The following CABP1 variants were observed in gnomAD, a reference collection of about 807,000 sequenced individuals.
The protein encoded by CABP1 is calcium binding protein 1.
A neutral mutation model predicts 34.3 loss-of-function variants in CABP1; 17 were observed. The observed-to-expected ratio is 0.50, with a 90% confidence interval of 0.34 to 0.74. The LOEUF (loss-of-function observed/expected upper bound fraction) is 0.74, where lower values mean the gene tolerates loss of function less well. Ranked by LOEUF, CABP1 falls within the 30% of genes least tolerant of loss-of-function variation. The pLI is 0.01. For missense variants in CABP1, 373 were observed against 511.1 expected, an observed-to-expected ratio of 0.73 and a Z score of 2.61; for synonymous variants, 198 against 229.2, an observed-to-expected ratio of 0.86 and a Z score of 1.23.
chr12:120,655,967 T>C (rs749857611), intron 1 of CABP1: 28 of 1,548,374 alleles, frequency 1.8e-5, no homozygotes, highest in Non-Finnish European at 2.4e-5. Context: ...CTCAGGGCTC[T>C]CTGAACCCCG....
chr12:120,643,159 G>T (rs1019904357), intron 1 of CABP1, among the ~76,000 whole-genome samples: 1 of 152,088 alleles, frequency 6.6e-6, no homozygotes, highest in African/African-American at 2.4e-5. Flanking sequence ...TGTCACCAGG[G>T]TCACCTGAGT....
intron 5 of CABP1, among the ~76,000 whole-genome samples, chr12:120,666,506 TGAGA>T (rs1235710707): frequency 8.4e-6 from 1 of 119,556 alleles, no homozygotes; most frequent in African/African-American, 3.2e-5. Flanking sequence ...TGCTGAGAGG[TGAGA>T]GAGAGAGTGC....
intron 5 of CABP1, among the ~76,000 whole-genome samples, chr12:120,663,301 G>T (rs1044877255): frequency 2.0e-5 from 3 of 151,896 alleles, no homozygotes; most frequent in Non-Finnish European, 4.4e-5. Flanking sequence ...TTAAGACAGG[G>T]TCTTGCTCTG....
chr12:120,667,945 G>C (rs1290945399), downstream of CABP1, among the ~76,000 whole-genome samples: 2 of 152,218 alleles, frequency 1.3e-5, no homozygotes, highest in African/African-American at 4.8e-5. Flanking sequence ...AAGAAGAGAA[G>C]CATCCAGCAG....
intron 5 of CABP1, among the ~76,000 whole-genome samples, chr12:120,663,480 T>C (rs888493365): frequency 1.1e-4 from 17 of 152,028 alleles, no homozygotes; most frequent in Non-Finnish European, 1.9e-4. Flanking sequence ...TTCACCATGT[T>C]GGCCAGGCTG....
At position 120,641,305 on chromosome 12, in the gene CABP1, G is replaced by A. The variant is rs1338602456; in HGVS notation, c.620G>A (p.Arg207Gln). Reference protein sequence around the residue: ...AASEADPFLHRLRPMLSSAFG... With the variant: ...AASEADPFLHQLRPMLSSAFG... ...TCCGAGGCGGACCCGTTCCTCCACC[G>A]GCTGCGCCCCATGCTCAGCTCCGCC... Residue 207 changes from arginine to glutamine, a missense_variant, in exon 1 of 6, where the codon CGG becomes CAG. Arg to Gln is a conservative substitution (Grantham distance 43, BLOSUM62 1). Coordinates refer to ENST00000316803, the MANE Select transcript of CABP1 (RefSeq NM_001033677.2). This position sits in a 1 kb window ranked among gnomAD's most constrained non-coding sequence, Gnocchi z 6.7. 7.6e-7 allele frequency: 1 copy of A among 1,317,268 alleles called. No individual in the cohort carries two copies. The highest frequency in any genetic ancestry group is 2.0e-5 in the South Asian group (1 of 49,992). 81.6% of individuals were successfully genotyped at this position (1,317,268 alleles called of 1,614,324 possible).
intron 1 of CABP1, among the ~76,000 whole-genome samples, chr12:120,654,510 T>A (rs551852913): frequency 4.6e-5 from 7 of 152,280 alleles, no homozygotes; most frequent in African/African-American, 1.7e-4. Context: ...TGCAGTAGGA[T>A]GGAAGGATAG....
chr12:120,673,508 C>T, the CABP1 span, among the ~76,000 whole-genome samples: 2 of 151,720 alleles, frequency 1.3e-5, no homozygotes, highest in Non-Finnish European at 2.9e-5. Context: ...CGCTTGAACC[C>T]GGGAGGCGGA....
At chr12:120,666,094 A>G (rs1880961428) in intron 5 of CABP1, among the ~76,000 whole-genome samples, 1 of 150,448 alleles carries the variant, frequency 6.6e-6, no homozygotes, top group African/African-American at 2.4e-5. Context: ...GCACTTTGGG[A>G]GGCCAAGGCA....
At position 120,640,677 on chromosome 12, in the gene CABP1, C is replaced by A; in HGVS notation, c.-9C>A. 8.8e-7 allele frequency: 1 copy of A among 1,137,430 alleles called. No individual in the cohort carries two copies. The highest frequency in any genetic ancestry group is 1.6e-5 in the African/African-American group (1 of 60,878). 70.5% of individuals were successfully genotyped at this position (1,137,430 alleles called of 1,614,324 possible). Reference sequence around the variant, plus strand: ...CTCCGGGCTCCGGGCGTAGAGGCTGCGCTGTCACATGGGCGGCGGCGACGG... The same window carrying A: ...CTCCGGGCTCCGGGCGTAGAGGCTGAGCTGTCACATGGGCGGCGGCGACGG... On this transcript the variant is annotated 5_prime_UTR_variant, in exon 1 of 6. Coordinates refer to ENST00000316803, the MANE Select transcript of CABP1 (RefSeq NM_001033677.2). The surrounding 1 kb of genome is among the most constrained non-coding windows in gnomAD (Gnocchi z 6.2).
At chr12:120,651,316 T>A (rs926879709) in intron 1 of CABP1, among the ~76,000 whole-genome samples, 1 of 152,194 alleles carries the variant, frequency 6.6e-6, no homozygotes, top group Non-Finnish European at 1.5e-5. Context: ...AGGGGTTGCA[T>A]GTAAGTCACT....
chr12:120,665,026 A>G (rs1430453529), intron 5 of CABP1, among the ~76,000 whole-genome samples: 1 of 152,112 alleles, frequency 6.6e-6, no homozygotes, highest in Non-Finnish European at 1.5e-5. Flanking sequence ...CATTCTGGAA[A>G]AGGCAAAACT....
At position 120,640,732 on chromosome 12, in the gene CABP1, C is replaced by G; in HGVS notation, c.47C>G (p.Ala16Gly). ...GCATTTAAGCGGCCGGGGGACGGCG[C>G]CCGCCTCCAGCGCGTCCTCGGGCTT... is the stretch of plus-strand genomic sequence containing the variant. ...GAAFKRPGDG[A>G]RLQRVLGLGS... The change falls in exon 1 of 6, where the codon GCC (alanine) becomes GGC (glycine). Residue 16 changes from alanine (A) to glycine (G), a missense_variant. This residue lies in a region of CABP1 where 134 missense variants were observed against 145.4 expected (regional missense o/e 0.92). Coordinates refer to ENST00000316803, the MANE Select transcript of CABP1 (RefSeq NM_001033677.2). This position sits in a 1 kb window ranked among gnomAD's most constrained non-coding sequence, Gnocchi z 6.2. 1 of 1,183,862 alleles carries G rather than the reference C, an allele frequency of 8.4e-7. No individual in the cohort carries two copies. Among genetic ancestry groups the G allele is most frequent in the Non-Finnish European group, 1.0e-6 (1 of 957,216 alleles). 73.3% of individuals were successfully genotyped at this position (1,183,862 alleles called of 1,614,324 possible).
chr12:120,660,366 T>C lies in CABP1; in HGVS notation c.829+27T>C, dbSNP rs1254311910. The C allele has an allele frequency of 1.2e-6, 2 of 1,605,652 alleles. No individual in the cohort carries two copies. The highest frequency in any genetic ancestry group is 1.7e-5 in the Admixed American group (1 of 59,472). ...TGAGTCCCTCTACCAGGCATCTGCG[T>C]CCCTTCGGTCCTCACCCTTGCCGTC... On this transcript the variant is annotated intron_variant, in intron 3 of 5. Coordinates refer to ENST00000316803, the MANE Select transcript of CABP1 (RefSeq NM_001033677.2). The surrounding 1 kb of genome is among the most constrained non-coding windows in gnomAD (Gnocchi z 5.0).
At chr12:120,674,254 C>G in the CABP1 span, among the ~76,000 whole-genome samples, 2 of 152,278 alleles carry the variant, frequency 1.3e-5, no homozygotes, top group Non-Finnish European at 2.9e-5. Context: ...GCCTACCACT[C>G]TCTCCCATGT....
chr12:120,642,995 G>GGAAAAA (rs530595621), intron 1 of CABP1, among the ~76,000 whole-genome samples: 2 of 69,502 alleles, frequency 2.9e-5, no homozygotes, highest in Admixed American at 1.7e-4. Flanking sequence ...CTCAGCTCCT[G>GGAAAAA]AAAAAAAAAA....
chr12:120,662,820 G>T (rs1042919668), intron 5 of CABP1, among the ~76,000 whole-genome samples: 2 of 151,910 alleles, frequency 1.3e-5, no homozygotes, highest in Non-Finnish European at 2.9e-5. Context: ...GAATAGCTGG[G>T]ATTACAGGCG....
chr12:120,678,718 C>G, the CABP1 span, among the ~76,000 whole-genome samples: 1 of 152,112 alleles, frequency 6.6e-6, no homozygotes, highest in East Asian at 1.9e-4. Flanking sequence ...CAAACACCCA[C>G]GACTATGATT....
At chr12:120,649,177 G>C (rs1298711615) in intron 1 of CABP1, among the ~76,000 whole-genome samples, 1 of 152,166 alleles carries the variant, frequency 6.6e-6, no homozygotes, top group African/African-American at 2.4e-5. Flanking sequence ...GAGTTATCCA[G>C]GGACCTCCTT....
Sources: gnomAD v4.1 joint callset for allele counts (sites outside exome capture counted in the v4.1 genomes callset) on GRCh38, gnomAD v4.1.1 for gene constraint, gnomAD v4.1.1 regional missense constraint, Gnocchi (gnomAD v3.1) non-coding constraint, MANE v1.5 for transcripts, NCBI Gene and HGNC (gene_info 2026-07-23, HGNC 2026-07-21) for gene names.